CDH17: variants seen among roughly 807,000 people sequenced by gnomAD.
CDH17 encodes the protein cadherin 17, also known as cadherin-17.
In CDH17, 67 loss-of-function variants were observed where a neutral mutation model predicts 86.3. That is an observed-to-expected ratio of 0.78 (90% CI 0.64 to 0.95). The LOEUF is 0.95. Ranked by LOEUF, CDH17 falls within the 40% of genes least tolerant of loss-of-function variation. CDH17 has a pLI of 0.00. For synonymous variants in CDH17, 367 were observed against 366.4 expected, an observed-to-expected ratio of 1.00 and a Z score of -0.02; for missense variants, 993 against 1,017.6, an observed-to-expected ratio of 0.98 and a Z score of 0.33.
chr8:94,203,325 T>C (rs1813957927), intron 1 of CDH17, among the ~76,000 whole-genome samples: 1 of 152,190 alleles, frequency 6.6e-6, no homozygotes, highest in Admixed American at 6.5e-5. Context: ...AACAAAGAAG[T>C]TGCAGAAGGA....
At chr8:94,212,571 C>T (rs1814140270), upstream of CDH17, among the ~76,000 whole-genome samples, 1 of 151,266 alleles carries the variant, frequency 6.6e-6, no homozygotes, top group Non-Finnish European at 1.5e-5. Context: ...ACTTAGATAA[C>T]AAAATGAATC....
At chr8:94,195,951 G>A (rs1813778572) in intron 1 of CDH17, among the ~76,000 whole-genome samples, 1 of 152,002 alleles carries the variant, frequency 6.6e-6, no homozygotes, top group Non-Finnish European at 1.5e-5. Context: ...TAGTAGAGAT[G>A]GGGTTTTGCC....
chr8:94,148,564 AAAAAAG>A (rs1812792263), intron 14 of CDH17, among the ~76,000 whole-genome samples, 174 bp downstream of exon 14: 1 of 148,898 alleles, frequency 6.7e-6, no homozygotes, highest in African/African-American at 2.5e-5. Flanking sequence ...AAAAAAAAAA[AAAAAAG>A]GAAGATATGA....
intron 2 of CDH17, among the ~76,000 whole-genome samples, chr8:94,190,832 A>G (rs1355135614): frequency 6.6e-6 from 1 of 152,182 alleles, no homozygotes; most frequent in African/African-American, 2.4e-5. Context: ...GATCAGAGAA[A>G]GGTCTTATGC....
chr8:94,176,567 C>A lies in CDH17; in HGVS notation c.398G>T (p.Gly133Val), dbSNP rs745946097. ...RPTFLQSKYE[G>V]SVRQNSRPGK... ...TGGGCGAGAGTTCTGCCTTACTGAG[C>A]CTTCGTACTTTGACTGGAGAAACGT... The change falls in exon 5 of 18, where the codon GGC becomes GTC. Residue 133 changes from glycine to valine, a missense_variant. Gly to Val is a moderately radical substitution (Grantham distance 109). Coordinates refer to ENST00000027335, the MANE Select transcript of CDH17 (RefSeq NM_004063.4). 3 of 1,613,826 alleles carry A rather than the reference C, an allele frequency of 1.9e-6. No homozygotes were observed. Among genetic ancestry groups the A allele is most frequent in the Admixed American group, 1.7e-5 (1 of 60,008 alleles).
chr8:94,176,355 T>C (rs16912), intron 5 of CDH17, among the ~76,000 whole-genome samples, 186 bp downstream of exon 5: 29,732 of 152,114 alleles, frequency 0.2, 3,383 homozygotes, highest in Non-Finnish European at 0.25. Context: ...TGTCAATACA[T>C]AGTGCTGCAT....
intron 2 of CDH17, among the ~76,000 whole-genome samples, chr8:94,190,766 C>T (rs1813673049): frequency 6.6e-6 from 1 of 152,220 alleles, no homozygotes; most frequent in African/African-American, 2.4e-5. Context: ...CAAGCACACT[C>T]TTGCCATGGA....
intron 1 of CDH17, among the ~76,000 whole-genome samples, chr8:94,215,051 A>G (rs546846054): frequency 7.7e-4 from 118 of 152,370 alleles, no homozygotes; most frequent in African/African-American, 2.7e-3. Context: ...GGGAATGTAA[A>G]ATAACACAAC....
chr8:94,168,110 ATATATAT>A (rs1813193697), intron 9 of CDH17, among the ~76,000 whole-genome samples: 2 of 13,686 alleles, frequency 1.5e-4, no homozygotes, highest in Non-Finnish European at 3.2e-4. Context: ...ATATATATAT[ATATATAT>A]ATATATATAT....
chr8:94,177,795 A>G (rs972315735), intron 3 of CDH17, 74 bp from the exon 4 acceptor site: 1 of 1,461,026 alleles, frequency 6.8e-7, no homozygotes, highest in Non-Finnish European at 9.4e-7. Context: ...AAAGTCACCA[A>G]TTTCAGGTAA....
intron 7 of CDH17, 109 bp from the exon 8 acceptor site, chr8:94,171,094 T>G: frequency 8.9e-7 from 1 of 1,126,204 alleles, no homozygotes; most frequent in Non-Finnish European, 1.2e-6. Context: ...CCTTGTATGT[T>G]TGTGGTTTCT....
upstream of CDH17, among the ~76,000 whole-genome samples, chr8:94,211,456 T>A (rs1814120120): frequency 6.6e-6 from 1 of 151,990 alleles, no homozygotes; most frequent in Admixed American, 6.6e-5. Context: ...GGATTACAGG[T>A]GCCCACCACC....
intron 1 of CDH17, among the ~76,000 whole-genome samples, chr8:94,207,541 T>A (rs1201434103): frequency 2.6e-5 from 4 of 152,218 alleles, no homozygotes; most frequent in Non-Finnish European, 4.4e-5. Flanking sequence ...AGTAAAGGAC[T>A]CGCTTTGTTT....
At chr8:94,200,220 G>C (rs1414337316) in intron 1 of CDH17, among the ~76,000 whole-genome samples, 1 of 152,100 alleles carries the variant, frequency 6.6e-6, no homozygotes, top group East Asian at 1.9e-4. Context: ...TTCAAGTGTG[G>C]GGTACCCTGG....
Position 94,128,179 on chromosome 8 carries a change from G to T in CDH17, c.*61C>A, listed in dbSNP as rs1488871493. On this transcript the variant is annotated 3_prime_UTR_variant, in exon 18 of 18. Coordinates refer to ENST00000027335, the MANE Select transcript of CDH17 (RefSeq NM_004063.4). ...ATGCACGTTAGATGAAAAGTAATAG[G>T]ATGAGATGGTTGTTGCTGAAATAGC... 6.0e-6 allele frequency: 6 copies of T among 1,005,648 alleles called. No homozygotes were observed. The highest frequency in any genetic ancestry group is 1.6e-6 in the Non-Finnish European group (1 of 631,078). The allele number at this position is 1,005,648 out of a possible 1,614,324, so 62.3% of individuals were successfully genotyped here.
At chr8:94,167,093 A>C (rs1813171814) in intron 9 of CDH17, among the ~76,000 whole-genome samples, 1 of 152,192 alleles carries the variant, frequency 6.6e-6, no homozygotes, top group Non-Finnish European at 1.5e-5. Context: ...TCATGGAACA[A>C]TTGCAGAAAC....
intron 9 of CDH17, among the ~76,000 whole-genome samples, chr8:94,168,043 T>C (rs1489368699): frequency 9.0e-6 from 1 of 111,026 alleles, no homozygotes; most frequent in Non-Finnish European, 2.0e-5. Flanking sequence ...TTGCTAAGAC[T>C]TGGGGACACG....
At chr8:94,158,079 C>T (rs913548149) in intron 12 of CDH17, among the ~76,000 whole-genome samples, 9 of 152,102 alleles carry the variant, frequency 5.9e-5, no homozygotes, top group Non-Finnish European at 1.0e-4. Flanking sequence ...TATCACAGTG[C>T]CCAAGGGACA....
rs763899606 is a variant in CDH17 at position 94,176,587 on chromosome 8, A to G, written c.378T>C (p.Phe126=). The stretch of plus-strand genomic sequence containing the variant: ...CTGAGCCTTCGTACTTTGACTGGAG[A>G]AACGTGGGTCGATTGTCGTTGATGT... ...VKDINDNRPT[F]LQSKYEGSVR... is the part of the protein sequence containing the mutation. Residue 126 remains phenylalanine (F), a synonymous_variant, in exon 5 of 18, where the codon TTT becomes TTC. Coordinates refer to ENST00000027335, the MANE Select transcript of CDH17 (RefSeq NM_004063.4). The G allele has an allele frequency of 6.2e-7, 1 of 1,613,808 alleles. No homozygotes were observed.
Sources: allele counts gnomAD v4.1 joint callset (sites outside exome capture counted in the v4.1 genomes callset), GRCh38; gene constraint gnomAD v4.1.1; transcripts MANE v1.5; gene names NCBI Gene and HGNC (gene_info 2026-07-23, HGNC 2026-07-21).